RFX3: variants seen among roughly 807,000 people sequenced by gnomAD.
RFX3 encodes the protein regulatory factor X3, also known as transcription factor RFX3.
Under a neutral mutation model 98.6 loss-of-function variants are expected in RFX3, and 14 were observed. The observed-to-expected ratio is 0.14, with a 90% CI of 0.09 to 0.22. The LOEUF (loss-of-function observed/expected upper bound fraction) is 0.22, where lower values mean the gene tolerates loss of function less well. Among genes scored for constraint, RFX3 ranks in the 10% least tolerant of loss-of-function variants. RFX3 has a pLI of 1.00. For synonymous variants in RFX3, 383 were observed against 328.4 expected, an observed-to-expected ratio of 1.17 and a Z score of -1.80; for missense variants, 639 against 926.9, an observed-to-expected ratio of 0.69 and a Z score of 4.03.
In RFX3 at chr9:3,288,126, T is replaced by C; in HGVS notation, c.851+5A>G. The C allele has an allele frequency of 6.2e-7, 1 of 1,612,448 alleles. No individual in the cohort carries two copies. The highest frequency in any genetic ancestry group is 8.5e-7 in the Non-Finnish European group (1 of 1,178,770). On this transcript the variant is annotated splice_donor_5th_base_variant and intron_variant, in intron 7 of 16. Transcript: ENST00000617270. ...GGACACATCAATGATAACTTCAGAG[T>C]CTACCTTTGTTTCTGTTGCATGGGT...
intron 1 of RFX3, among the ~76,000 whole-genome samples, chr9:3,495,250 G>A (rs757585159): frequency 2.0e-5 from 3 of 151,904 alleles, no homozygotes; most frequent in East Asian, 3.9e-4. Context: ...GAAAATTTAT[G>A]AAGCTAATGT....
intron 1 of RFX3, among the ~76,000 whole-genome samples, chr9:3,478,867 C>A (rs1849497611): frequency 6.6e-6 from 1 of 152,206 alleles, no homozygotes; most frequent in Admixed American, 6.5e-5. Flanking sequence ...ATTTTGCCAA[C>A]AGTTTGCTAT....
intron 1 of RFX3, among the ~76,000 whole-genome samples, chr9:3,416,744 A>AT (rs1843020469): frequency 6.6e-6 from 1 of 152,212 alleles, no homozygotes. Context: ...AAGTAGAGCA[A>AT]TAAGTCAATT....
intron 2 of RFX3, among the ~76,000 whole-genome samples, chr9:3,348,159 T>G (rs370247226): frequency 6.6e-6 from 1 of 152,232 alleles, no homozygotes; most frequent in African/African-American, 2.4e-5. Flanking sequence ...TCATTTATCT[T>G]GGAGAATTTC....
At position 3,306,221 on chromosome 9, in the gene RFX3, G is replaced by A. The variant is rs10971255; in HGVS notation, c.475-4601C>T. On this transcript the variant is annotated intron_variant, in intron 4 of 16. Transcript: ENST00000617270. The stretch of plus-strand genomic sequence containing the variant: ...ATTCTCATATATCATCTGAGGAAAT[G>A]CTCCTAACCTCAACAAAGATATTAT... Among the ~76,000 whole-genome samples, 360 of 152,132 alleles carry A rather than the reference G, an allele frequency of 2.4e-3. 8 individuals carry two copies. The East Asian group carries it at 0.052, about 22-fold the overall frequency.
intron 7 of RFX3, 37 bp downstream of exon 7, chr9:3,288,094 A>G: frequency 6.2e-7 from 1 of 1,602,422 alleles, no homozygotes; most frequent in South Asian, 1.1e-5. Context: ...TAAGAAATAC[A>G]TAGCTTGGAC....
At chr9:3,493,508 C>A (rs572511319) in intron 1 of RFX3, among the ~76,000 whole-genome samples, 2 of 151,624 alleles carry the variant, frequency 1.3e-5, no homozygotes, top group Admixed American at 6.6e-5. Context: ...CATGGTGAAA[C>A]CCCATCTCTA....
chr9:3,377,031 T>A (rs1838618441), intron 2 of RFX3, among the ~76,000 whole-genome samples: 1 of 152,206 alleles, frequency 6.6e-6, no homozygotes, highest in Admixed American at 6.5e-5. Context: ...TGAAAGACAG[T>A]GTGGCGATTC....
intron 1 of RFX3, among the ~76,000 whole-genome samples, chr9:3,443,206 A>T (rs751982532): frequency 6.6e-6 from 1 of 152,336 alleles, no homozygotes; most frequent in African/African-American, 2.4e-5. Flanking sequence ...ATTTTCTTCA[A>T]CTTTTAAGTT....
intron 1 of RFX3, among the ~76,000 whole-genome samples, chr9:3,464,139 G>A (rs138988113): frequency 0.01 from 1,581 of 152,246 alleles, 7 homozygotes; most frequent in Middle Eastern, 0.027. Context: ...AAAAAGAACT[G>A]TTAATACCAA....
intron 1 of RFX3, among the ~76,000 whole-genome samples, chr9:3,455,896 G>C (rs1847105691): frequency 6.6e-6 from 1 of 152,168 alleles, no homozygotes. Context: ...GTCTACACTT[G>C]TGTTTTAGTT....
chr9:3,443,667 C>G (rs1256505690), intron 1 of RFX3, among the ~76,000 whole-genome samples: 2 of 152,044 alleles, frequency 1.3e-5, no homozygotes, highest in African/African-American at 4.8e-5. Flanking sequence ...AATAAATATA[C>G]ACATGCGTGT....
chr9:3,305,455 G>A (rs1829172447), intron 4 of RFX3, among the ~76,000 whole-genome samples: 1 of 151,982 alleles, frequency 6.6e-6, no homozygotes, highest in Admixed American at 6.6e-5. Context: ...GGATTGAATA[G>A]AAGCTCTGGG....
In RFX3 at chr9:3,262,928, A is replaced by T; in HGVS notation, c.1605+7T>A. 6.2e-7 allele frequency: 1 copy of T among 1,612,618 alleles called. No homozygotes were observed. Among genetic ancestry groups the T allele is most frequent in the Non-Finnish European group, 8.5e-7 (1 of 1,179,216 alleles). Reference sequence around the variant, plus strand: ...TAAGAGACATGCTTTGCAAGGAAATAGAATACCTGGACATTGGCAAAGTCG... The same window carrying T: ...TAAGAGACATGCTTTGCAAGGAAATTGAATACCTGGACATTGGCAAAGTCG... On this transcript the variant is annotated splice_region_variant and intron_variant, in intron 13 of 16. Transcript: ENST00000617270.
At chr9:3,507,087 T>C (rs145495102) in intron 1 of RFX3, among the ~76,000 whole-genome samples, 1 of 152,042 alleles carries the variant, frequency 6.6e-6, no homozygotes, top group Admixed American at 6.6e-5. Flanking sequence ...TCAAAAACCT[T>C]GATTATGGAG....
chr9:3,232,002 C>G lies in RFX3; in HGVS notation c.1969-3113G>C, dbSNP rs571199180. ...GGGCTGAGATCGTGCCACTGCACTCCAGCCTGGGCAACAGGAGCGAAACTC... is the reference window on the plus strand; with the variant it reads ...GGGCTGAGATCGTGCCACTGCACTCGAGCCTGGGCAACAGGAGCGAAACTC... On this transcript the variant is annotated intron_variant, in intron 15 of 16. Coordinates refer to ENST00000617270, the MANE Select transcript of RFX3 (RefSeq NM_001282116.2). 7.2e-5 allele frequency among the ~76,000 whole-genome samples: 11 copies of G among 152,082 alleles called. 1 individual carries two copies. Among genetic ancestry groups the G allele is most frequent in the African/African-American group, 2.7e-4 (11 of 41,484 alleles).
intron 13 of RFX3, among the ~76,000 whole-genome samples, chr9:3,258,015 G>C (rs1211295313): frequency 6.6e-6 from 1 of 152,024 alleles, no homozygotes; most frequent in African/African-American, 2.4e-5. Context: ...TGTATTTTAA[G>C]ATTTAAAAAA....
intron 1 of RFX3, among the ~76,000 whole-genome samples, chr9:3,417,707 A>C (rs1394462566): frequency 6.6e-6 from 1 of 151,566 alleles, no homozygotes; most frequent in Non-Finnish European, 1.5e-5. Flanking sequence ...TAAACAAATC[A>C]ACAGTTTTAC....
At chr9:3,235,293 C>A (rs980382171) in intron 15 of RFX3, among the ~76,000 whole-genome samples, 1 of 152,232 alleles carries the variant, frequency 6.6e-6, no homozygotes, top group South Asian at 2.1e-4. Context: ...CAGATGATGA[C>A]GGCTTTCAGC....
Sources: gnomAD v4.1 joint callset for allele counts (sites outside exome capture counted in the v4.1 genomes callset) on GRCh38, gnomAD v4.1.1 for gene constraint, MANE v1.5 for transcripts, NCBI Gene and HGNC (gene_info 2026-07-23, HGNC 2026-07-21) for gene names.